Variants in TMTC1 observed in about 807,000 individuals in gnomAD.
The protein encoded by TMTC1 is protein O-mannosyl-transferase TMTC1.
Under a neutral mutation model 104.8 loss-of-function variants are expected in TMTC1, and 73 were observed. That is an observed-to-expected ratio of 0.70 (90% CI 0.58 to 0.85). The LOEUF (loss-of-function observed/expected upper bound fraction) is 0.85, where lower values mean the gene tolerates loss of function less well. TMTC1 is among the 40% of genes least tolerant of loss of function. The probability of loss-of-function intolerance (pLI) is 0.00; values close to 1 mark genes in which losing one functional copy is unlikely to be tolerated. For missense variants in TMTC1, 1,035 were observed against 1,096.1 expected, an observed-to-expected ratio of 0.94 and a Z score of 0.79; for synonymous variants, 434 against 428.7, an observed-to-expected ratio of 1.01 and a Z score of -0.15.
intron 5 of TMTC1, among the ~76,000 whole-genome samples, chr12:29,693,728 A>G (rs1941332846): frequency 6.6e-6 from 1 of 152,218 alleles, no homozygotes; most frequent in South Asian, 2.1e-4. Context: ...TATACTAGTG[A>G]TAAATATTAG....
At chr12:29,736,071 C>T (rs1453187256) in intron 5 of TMTC1, among the ~76,000 whole-genome samples, 1 of 152,056 alleles carries the variant, frequency 6.6e-6, no homozygotes. Context: ...CTGGGGAAAT[C>T]AACTGTATGA....
intron 8 of TMTC1, among the ~76,000 whole-genome samples, chr12:29,580,078 T>C (rs912390233): frequency 6.6e-6 from 1 of 152,138 alleles, no homozygotes; most frequent in African/African-American, 2.4e-5. Flanking sequence ...CATTGGCCCA[T>C]GTCTGTAATC....
intron 5 of TMTC1, chr12:29,666,228 C>CTTTT (rs751968439): frequency 6.8e-4 from 250 of 365,944 alleles, no homozygotes; most frequent in African/African-American, 8.2e-4. Context: ...TTTCTTTTTT[C>CTTTT]TTTTTTTTTT....
rs769031907 is a variant in TMTC1, at chr12:29,758,754, C to T, written c.504G>A (p.Ala168=). The change falls in exon 3 of 18, where the codon GCG becomes GCA. Residue 168 remains alanine, a synonymous_variant. Transcript: ENST00000539277. ...TEAVAGIVGR[A]DVLACLLFLL... ...GAAACAGCAGACACGCTAACACGTC[C>T]GCTCTGCCAACGATCCCAGCCACCT... 7.5e-5 allele frequency: 121 copies of T among 1,609,682 alleles called. No homozygotes were observed. Among genetic ancestry groups the T allele is most frequent in the Admixed American group, 2.7e-4 (16 of 59,102 alleles).
At chr12:29,717,735 A>G (rs1395082315) in intron 5 of TMTC1, among the ~76,000 whole-genome samples, 1 of 152,220 alleles carries the variant, frequency 6.6e-6, no homozygotes, top group African/African-American at 2.4e-5. Context: ...ATAGAGTCAT[A>G]ATCATTTAGT....
chr12:29,741,359 A>G (rs893256940), intron 5 of TMTC1, among the ~76,000 whole-genome samples: 2 of 152,252 alleles, frequency 1.3e-5, no homozygotes, highest in Non-Finnish European at 2.9e-5. Context: ...CTAACTACAC[A>G]GGCCAATGGA....
At chr12:29,704,193 T>C (rs1280026319) in intron 5 of TMTC1, among the ~76,000 whole-genome samples, 1 of 152,244 alleles carries the variant, frequency 6.6e-6, no homozygotes, top group Non-Finnish European at 1.5e-5. Context: ...CTTTGATATT[T>C]GTAAATCTAT....
At chr12:29,656,319 GATATATAT>G (rs71045824) in intron 5 of TMTC1, among the ~76,000 whole-genome samples, 2 of 139,354 alleles carry the variant, frequency 1.4e-5, no homozygotes, top group African/African-American at 2.7e-5. Flanking sequence ...AATTTCCCTG[GATATATAT>G]ATATATATAT....
Position 29,604,052 on chromosome 12 carries a change from G to A in TMTC1, c.1250+126C>T, listed in dbSNP as rs1592306901. 3.1e-6 allele frequency: 4 copies of A among 1,297,862 alleles called. No homozygotes were observed. In the East Asian group the frequency reaches 1.0e-4, roughly 33 times the overall value. 80.4% of individuals were successfully genotyped at this position (1,297,862 alleles called of 1,614,324 possible). On this transcript the variant is annotated intron_variant, in intron 7 of 17. Coordinates refer to ENST00000539277, the MANE Select transcript of TMTC1 (RefSeq NM_001193451.2). ...CTTCTGTGTGGCTGTTTTTAAAGCT[G>A]AAATAATAATATCCCTTGTCCCATG...
At chr12:29,678,253 T>C (rs934831922) in intron 5 of TMTC1, among the ~76,000 whole-genome samples, 6 of 152,216 alleles carry the variant, frequency 3.9e-5, no homozygotes, top group Admixed American at 3.9e-4. Flanking sequence ...AGAGAAGTGC[T>C]GCTATACGGT....
Position 29,752,382 on chromosome 12 carries a change from C to T in TMTC1, c.732-510G>A, listed in dbSNP as rs554346685. Among the ~76,000 whole-genome samples, 26 of 152,114 alleles carry T rather than the reference C, an allele frequency of 1.7e-4. No homozygotes were observed. The East Asian group carries it at 3.5e-3, about 20-fold the overall frequency. ...CAAAAATTTAAACATCTGATACTAC[C>T]AAGGGATGATCAGAAAGTGAAACAA... On this transcript the variant is annotated intron_variant, in intron 4 of 17. Transcript: ENST00000539277.
intron 5 of TMTC1, among the ~76,000 whole-genome samples, chr12:29,652,383 A>C (rs974712409): frequency 9.2e-5 from 14 of 152,236 alleles, no homozygotes; most frequent in Non-Finnish European, 2.1e-4. Flanking sequence ...CTATCACTGC[A>C]CTGTGTGGGT....
intron 1 of TMTC1, among the ~76,000 whole-genome samples, chr12:29,771,037 T>C (rs1406950757): frequency 6.6e-6 from 1 of 152,100 alleles, no homozygotes; most frequent in Non-Finnish European, 1.5e-5. Context: ...CCAAGAGTAG[T>C]GAATAATAAA....
At chr12:29,587,752 C>T (rs1337282578) in intron 7 of TMTC1, among the ~76,000 whole-genome samples, 1 of 152,130 alleles carries the variant, frequency 6.6e-6, no homozygotes, top group African/African-American at 2.4e-5. Context: ...AGCCCATATA[C>T]TTGTTCTCTT....
At chr12:29,535,967 A>T (rs1400511779) in intron 11 of TMTC1, 2 of 483,892 alleles carry the variant, frequency 4.1e-6, no homozygotes, top group Non-Finnish European at 7.2e-6. Context: ...TTCTGTACCA[A>T]AGTGAGAGAG....
intron 6 of TMTC1, among the ~76,000 whole-genome samples, chr12:29,628,162 A>G (rs975411196): frequency 2.6e-5 from 4 of 152,232 alleles, no homozygotes; most frequent in African/African-American, 2.4e-5. Flanking sequence ...CTTGTATTAC[A>G]TAAATGTGCA....
chr12:29,549,011 ATATAT>A (rs1456109712), intron 10 of TMTC1, among the ~76,000 whole-genome samples: 1 of 145,364 alleles, frequency 6.9e-6, no homozygotes, highest in Non-Finnish European at 1.5e-5. Flanking sequence ...ATTATATATT[ATATAT>A]TATATGTTAT....
chr12:29,680,788 A>G (rs1325117807), intron 5 of TMTC1, among the ~76,000 whole-genome samples: 3 of 152,142 alleles, frequency 2.0e-5, no homozygotes. Flanking sequence ...AGTAGGGGCA[A>G]CCCCTGAAAC....
intron 11 of TMTC1, among the ~76,000 whole-genome samples, chr12:29,530,551 G>A (rs949697072): frequency 2.0e-5 from 3 of 152,176 alleles, no homozygotes; most frequent in African/African-American, 7.2e-5. Context: ...ATGCATGTTT[G>A]CTTACTACGC....
Sources: gnomAD v4.1 joint callset for allele counts (sites outside exome capture counted in the v4.1 genomes callset) on GRCh38, gnomAD v4.1.1 for gene constraint, MANE v1.5 for transcripts, NCBI Gene and HGNC (gene_info 2026-07-23, HGNC 2026-07-21) for gene names.